The following HSFX4 variants were observed in gnomAD, a reference collection of about 807,000 sequenced individuals.
HSFX4 encodes heat shock transcription factor, X-linked member 4.
A neutral mutation model predicts 5.2 loss-of-function variants in HSFX4; 1 was observed. The observed-to-expected ratio is 0.19, with a 90% CI of 0.07 to 0.91. HSFX4 has a LOEUF of 0.91. Ranked by LOEUF, HSFX4 falls within the 40% of genes least tolerant of loss-of-function variation. The pLI is 0.66. For missense variants in HSFX4, 50 were observed against 178.0 expected (o/e 0.28, Z 4.09); for synonymous variants, 24 against 68.9 (o/e 0.35, Z 3.23).
chrX:149,931,032 T>G lies in HSFX4; in HGVS notation c.929T>G (p.Ile310Ser). The change falls in exon 2 of 2, where the codon ATC (isoleucine) becomes AGC (serine). Residue 310 changes from isoleucine to serine, a missense_variant. Ile to Ser is a moderately radical substitution (Grantham distance 142). This residue lies in a region of HSFX4 where 19 missense variants were observed against 24.4 expected (regional missense o/e 0.78). Transcript: ENST00000457775. ...DNGSVMSLYN[I>S]CYYALLASLS... ...GGTAGTGTAATGTCTTTGTACAATA[T>G]CTGTTACTACGCTCTGTTGGCCTCC... 2 of 937,905 alleles carry G rather than the reference T, an allele frequency of 2.1e-6. No individual in the cohort carries two copies. The highest frequency in any genetic ancestry group is 2.6e-6 in the Non-Finnish European group (2 of 756,029). The allele number at this position is 937,905 out of a possible 1,213,427, so 77.3% of individuals were successfully genotyped here.
At position 149,930,044 on chromosome X, in the gene HSFX4, T is replaced by C. The variant is rs1557374036; in HGVS notation, c.400T>C (p.Leu134=). Residue 134 remains leucine, a synonymous_variant, in exon 1 of 2, where the codon TTG becomes CTG. Coordinates refer to ENST00000457775, the MANE Select transcript of HSFX4 (RefSeq NM_001351114.2). ...AGAGAGGATCTTCAAAACAGACAACTTGACGAGTTTCATTCGCCAGCTGAA... is the reference window on the plus strand; with the variant it reads ...AGAGAGGATCTTCAAAACAGACAACCTGACGAGTTTCATTCGCCAGCTGAA... ...GAERIFKTDN[L]TSFIRQLNLY... is the part of the protein sequence containing the mutation. The C allele has an allele frequency of 8.6e-7, 1 of 1,159,171 alleles. No homozygotes were observed. Among genetic ancestry groups the C allele is most frequent in the Admixed American group, 2.6e-5 (1 of 38,482 alleles).
chrX:149,931,004 A>G lies in HSFX4; in HGVS notation c.901A>G (p.Asn301Asp). ...GILSSLVYSD[N>D]GSVMSLYNIC... ...TCTTAGTAGTCTGGTTTACTCAGAT[A>G]ATGGTAGTGTAATGTCTTTGTACAA... Residue 301 changes from asparagine (N) to aspartate (D), a missense_variant, in exon 2 of 2, where the codon AAT becomes GAT. Physicochemically the swap from Asn to Asp is conservative, Grantham distance 23 (BLOSUM62 1). Transcript: ENST00000457775. The G allele has an allele frequency of 1.1e-6, 1 of 936,484 alleles. No homozygotes were observed. Among genetic ancestry groups the G allele is most frequent in the Middle Eastern group, 4.5e-4 (1 of 2,239 alleles). 77.2% of individuals were successfully genotyped at this position (936,484 alleles called of 1,213,427 possible). A position where few individuals can be genotyped will look rare whatever the true frequency, so the allele number is the denominator to read the frequency against.
Position 149,931,197 on chromosome X carries a change from G to A in HSFX4, c.*92G>A. ...CACAGGCCACTAATGGCCCATAAAAGTTGCCATTTTCTAATGAGAAACACA... is the reference window on the plus strand; with the variant it reads ...CACAGGCCACTAATGGCCCATAAAAATTGCCATTTTCTAATGAGAAACACA... On this transcript the variant is annotated 3_prime_UTR_variant, in exon 2 of 2. Coordinates refer to ENST00000457775, the MANE Select transcript of HSFX4 (RefSeq NM_001351114.2). The A allele has an allele frequency of 1.1e-6, 1 of 907,785 alleles. No homozygotes were observed. 74.8% of individuals were successfully genotyped at this position (907,785 alleles called of 1,213,427 possible). A position where few individuals can be genotyped will look rare whatever the true frequency, so the allele number is the denominator to read the frequency against.
In HSFX4 at chrX:149,930,313, G is replaced by A. The variant is rs879972740; in HGVS notation, c.483+186G>A. Among the ~76,000 whole-genome samples, 7 of 111,871 alleles carry A rather than the reference G, an allele frequency of 6.3e-5. No individual in the cohort carries two copies. In the South Asian group the frequency reaches 1.1e-3, roughly 18 times the overall value. ...AAAGTATGGATTTTGATATTAAACT[G>A]CAACCCCCTTAGAGATAATGTAAGC... On this transcript the variant is annotated intron_variant, in intron 1 of 1. Coordinates refer to ENST00000457775, the MANE Select transcript of HSFX4 (RefSeq NM_001351114.2).
In HSFX4 at chrX:149,930,049, G is replaced by A. The variant is rs1557374039; in HGVS notation, c.405G>A (p.Thr135=). The A allele has an allele frequency of 5.2e-6, 6 of 1,156,742 alleles. No individual in the cohort carries two copies. In the African/African-American group the frequency reaches 5.9e-5, roughly 11 times the overall value. Residue 135 remains threonine (T), a synonymous_variant, in exon 1 of 2, where the codon ACG becomes ACA. Transcript: ENST00000457775. ...GGATCTTCAAAACAGACAACTTGAC[G>A]AGTTTCATTCGCCAGCTGAACCTCT... ...AERIFKTDNL[T]SFIRQLNLYG...
At position 149,930,830 on chromosome X, in the gene HSFX4, C is replaced by A; in HGVS notation, c.727C>A (p.Arg243Ser). The A allele has an allele frequency of 1.3e-6, 1 of 752,913 alleles. No homozygotes were observed. Among genetic ancestry groups the A allele is most frequent in the Non-Finnish European group, 1.7e-6 (1 of 602,282 alleles). The allele number at this position is 752,913 out of a possible 1,213,427, so 62.0% of individuals were successfully genotyped here. ...QGPSGTQSFRRSGMWSKKSAT... is the reference protein window; with the variant it reads ...QGPSGTQSFRSSGMWSKKSAT... ...GCCCAGTGGCACCCAGTCCTTCAGG[C>A]GCTCTGGCATGTGGTCCAAGAAGAG... The change falls in exon 2 of 2, where the codon CGC (arginine) becomes AGC (serine). Residue 243 changes from arginine (R) to serine (S), a missense_variant. Arg to Ser is a moderately radical substitution (Grantham distance 110). Around this residue, in one of 3 missense-constraint regions of HSFX4, gnomAD observed 31 missense variants for 111.4 expected, o/e 0.28. Transcript: ENST00000457775.
chrX:149,930,922 C>A lies in HSFX4; in HGVS notation c.819C>A (p.Thr273=), dbSNP rs1474137146. The part of the protein sequence containing the change: ...QEPNGPSWEG[T]SGNVTFTSSA... Reference sequence around the variant, plus strand: ...CAAATGGCCCAAGTTGGGAGGGCACCTCTGGGAATGTCACATTTACATCTT... The same window carrying A: ...CAAATGGCCCAAGTTGGGAGGGCACATCTGGGAATGTCACATTTACATCTT... Residue 273 remains threonine (T), a synonymous_variant, in exon 2 of 2, where the codon ACC becomes ACA. Transcript: ENST00000457775. The A allele has an allele frequency of 1.1e-6, 1 of 911,569 alleles. No homozygotes were observed. The highest frequency in any genetic ancestry group is 2.3e-5 in the African/African-American group (1 of 42,975). The allele number at this position is 911,569 out of a possible 1,213,427, so 75.1% of individuals were successfully genotyped here.
chrX:149,930,164 C>T, intron 1 of HSFX4, 37 bp downstream of exon 1: 1 of 1,107,074 alleles, frequency 9.0e-7, no homozygotes, highest in Non-Finnish European at 1.2e-6. Context: ...CCTTTTCTCT[C>T]TTTCTCAAAC....
Position 149,930,078 on chromosome X carries a change from G to C in HSFX4, c.434G>C (p.Gly145Ala). ...TTCATTCGCCAGCTGAACCTCTATG[G>C]ATTCTGCAAAACACGCCCAAGCAAC... ...TSFIRQLNLY[G>A]FCKTRPSNSP... Residue 145 changes from glycine to alanine, a missense_variant, in exon 1 of 2, where the codon GGA (glycine) becomes GCA (alanine). Gly to Ala is a moderately conservative substitution (Grantham distance 60). This residue lies in a region of HSFX4 where 31 missense variants were observed against 111.4 expected (regional missense o/e 0.28). Coordinates refer to ENST00000457775, the MANE Select transcript of HSFX4 (RefSeq NM_001351114.2). 2 of 1,159,484 alleles carry C rather than the reference G, an allele frequency of 1.7e-6. No individual in the cohort carries two copies. The highest frequency in any genetic ancestry group is 2.3e-6 in the Non-Finnish European group (2 of 871,073).
chrX:149,930,232 T>G (rs1337957213), intron 1 of HSFX4, 105 bp downstream of exon 1: 1 of 1,086,403 alleles, frequency 9.2e-7, no homozygotes, highest in Middle Eastern at 2.6e-4. Context: ...GTGTCAAAGA[T>G]AGCATTTGAA....
rs1471066995 is a variant in HSFX4, at chrX:149,930,608, CAG to C, written c.511_512del (p.Asp171GlnfsTer83). 5 of 284,526 alleles carry C rather than the reference CAG, an allele frequency of 1.8e-5. No individual in the cohort carries two copies. The highest frequency in any genetic ancestry group is 5.0e-5 in the East Asian group (1 of 20,128). The allele number at this position is 284,526 out of a possible 1,213,427, so 23.4% of individuals were successfully genotyped here. ...KMMIYCNSNF[Q>X]RDKPRLLENI... ...TCAGATCTACTGCAACTCCAATTTT[CAG>C]AGAGACAAGCCCAGGCTCCTGGAGA... is the stretch of plus-strand genomic sequence containing the variant. On this transcript the variant is annotated frameshift_variant, in exon 2 of 2. Coordinates refer to ENST00000457775, the MANE Select transcript of HSFX4 (RefSeq NM_001351114.2). LOFTEE classifies it low-confidence loss of function (END_TRUNC).
At position 149,930,832 on chromosome X, in the gene HSFX4, C is replaced by T; in HGVS notation, c.729C>T (p.Arg243=). 1.3e-6 allele frequency: 1 copy of T among 770,406 alleles called. No homozygotes were observed. The highest frequency in any genetic ancestry group is 1.6e-6 in the Non-Finnish European group (1 of 617,768). 63.5% of individuals were successfully genotyped at this position (770,406 alleles called of 1,213,427 possible). ...QGPSGTQSFR[R]SGMWSKKSAT... The stretch of plus-strand genomic sequence containing the variant: ...CCAGTGGCACCCAGTCCTTCAGGCG[C>T]TCTGGCATGTGGTCCAAGAAGAGTG... The change falls in exon 2 of 2, where the codon CGC becomes CGT. Residue 243 remains arginine (R), a synonymous_variant. Coordinates refer to ENST00000457775, the MANE Select transcript of HSFX4 (RefSeq NM_001351114.2).
rs1251194592 is a variant in HSFX4 at position 149,931,230 on chromosome X, T to G, written c.*125T>G. On this transcript the variant is annotated 3_prime_UTR_variant, in exon 2 of 2. Coordinates refer to ENST00000457775, the MANE Select transcript of HSFX4 (RefSeq NM_001351114.2). ...TTTCTAATGAGAAACACATTTTTGG[T>G]CTTAATAAAGAAAAACAAAATTCCA... 1 of 705,321 alleles carries G rather than the reference T, an allele frequency of 1.4e-6. No individual in the cohort carries two copies. Among genetic ancestry groups the G allele is most frequent in the Admixed American group, 6.0e-5 (1 of 16,787 alleles). 58.1% of individuals were successfully genotyped at this position (705,321 alleles called of 1,213,427 possible). A position where few individuals can be genotyped will look rare whatever the true frequency, so the allele number is the denominator to read the frequency against.
rs2090864543 is a variant in HSFX4 at position 149,930,792 on chromosome X, C to T, written c.689C>T (p.Pro230Leu). Residue 230 changes from proline to leucine, a missense_variant, in exon 2 of 2, where the codon CCC becomes CTC. Pro to Leu is a moderately conservative substitution (Grantham distance 98). This residue lies in a region of HSFX4 where 31 missense variants were observed against 111.4 expected (regional missense o/e 0.28). Coordinates refer to ENST00000457775, the MANE Select transcript of HSFX4 (RefSeq NM_001351114.2). ...ATCAAAATGTGTCAGCAGGGAGCCC[C>T]CAGTGTTCAGGGGCCCAGTGGCACC... ...EAIKMCQQGA[P>L]SVQGPSGTQS... 3 of 505,000 alleles carry T rather than the reference C, an allele frequency of 5.9e-6. No individual in the cohort carries two copies. The East Asian group carries it at 1.4e-4, about 24-fold the overall frequency. 41.6% of individuals were successfully genotyped at this position (505,000 alleles called of 1,213,427 possible).
In HSFX4 at chrX:149,931,057, CCT is replaced by C. The variant is rs1557374187; in HGVS notation, c.958_959del (p.Val321HisfsTer5). 2 of 936,332 alleles carry C rather than the reference CCT, an allele frequency of 2.1e-6. No individual in the cohort carries two copies. Among genetic ancestry groups the C allele is most frequent in the African/African-American group, 4.1e-5 (2 of 48,523 alleles). The allele number at this position is 936,332 out of a possible 1,213,427, so 77.2% of individuals were successfully genotyped here. ...TCTGTTACTACGCTCTGTTGGCCTC[CCT>C]CTCAGTCATGTCTCCAAATGAGCCC... ...NICYYALLAS[L>X]SVMSPNEPSD... is the part of the protein sequence containing the mutation. On this transcript the variant is annotated frameshift_variant, in exon 2 of 2. Coordinates refer to ENST00000457775, the MANE Select transcript of HSFX4 (RefSeq NM_001351114.2). LOFTEE classifies it low-confidence loss of function (END_TRUNC).
Position 149,930,005 on chromosome X carries a change from C to T in HSFX4, c.361C>T (p.Gln121Ter). Reference protein sequence around the residue: ...DKDLFQREVLQRKGAERIFKT... With the variant: ...DKDLFQREVL ...GGATCTCTTCCAGAGGGAGGTTCTT[C>T]AACGGAAAGGTGCAGAGAGGATCTT... The change falls in exon 1 of 2, where the codon CAA becomes TAA. Residue 121 changes from glutamine (Q) to a stop codon, truncating the protein, a stop_gained. Coordinates refer to ENST00000457775, the MANE Select transcript of HSFX4 (RefSeq NM_001351114.2). LOFTEE classifies it high-confidence loss of function. The T allele has an allele frequency of 8.7e-7, 1 of 1,146,920 alleles. No individual in the cohort carries two copies. 94.5% of individuals were successfully genotyped at this position (1,146,920 alleles called of 1,213,427 possible).
chrX:149,930,927 G>C lies in HSFX4; in HGVS notation c.824G>C (p.Gly275Ala). The C allele has an allele frequency of 1.1e-6, 1 of 920,199 alleles. No individual in the cohort carries two copies. The highest frequency in any genetic ancestry group is 2.2e-5 in the African/African-American group (1 of 45,201). The allele number at this position is 920,199 out of a possible 1,213,427, so 75.8% of individuals were successfully genotyped here. A position where few individuals can be genotyped will look rare whatever the true frequency, so the allele number is the denominator to read the frequency against. Residue 275 changes from glycine to alanine, a missense_variant, in exon 2 of 2, where the codon GGG becomes GCG. Physicochemically the swap from Gly to Ala is moderately conservative, Grantham distance 60 (BLOSUM62 0). Around this residue, in one of 3 missense-constraint regions of HSFX4, gnomAD observed 31 missense variants for 111.4 expected, o/e 0.28. Transcript: ENST00000457775. Reference protein sequence around the residue: ...PNGPSWEGTSGNVTFTSSATT... With the variant: ...PNGPSWEGTSANVTFTSSATT... Reference sequence around the variant, plus strand: ...GGCCCAAGTTGGGAGGGCACCTCTGGGAATGTCACATTTACATCTTCGGCT... The same window carrying C: ...GGCCCAAGTTGGGAGGGCACCTCTGCGAATGTCACATTTACATCTTCGGCT...
intron 1 of HSFX4, 97 bp downstream of exon 1, chrX:149,930,224 G>A (rs1381033361): frequency 2.1e-5 from 23 of 1,083,553 alleles, no homozygotes; most frequent in African/African-American, 1.2e-4. Context: ...GAGCTTAAGT[G>A]TCAAAGATAG....
At chrX:149,930,373 G>A (rs1429260158) in intron 1 of HSFX4, among the ~76,000 whole-genome samples, 2 of 111,484 alleles carry the variant, frequency 1.8e-5, no homozygotes, top group African/African-American at 6.6e-5. Context: ...TACCTCTACG[G>A]GGTTGCAGTT....
Sources: allele counts gnomAD v4.1 joint callset (sites outside exome capture counted in the v4.1 genomes callset), GRCh38; gene constraint gnomAD v4.1.1; regional missense constraint gnomAD v4.1.1; transcripts MANE v1.5; gene names NCBI Gene and HGNC (gene_info 2026-07-23, HGNC 2026-07-21).